Variants in CD247 observed in about 807,000 individuals in gnomAD.
The protein encoded by CD247 is T-cell surface glycoprotein CD3 zeta chain.
A neutral mutation model predicts 30.0 loss-of-function variants in CD247; 13 were observed. The observed-to-expected ratio is 0.43, with a 90% confidence interval of 0.28 to 0.69. CD247 has a LOEUF of 0.69. Ranked by LOEUF, CD247 falls within the 30% of genes least tolerant of loss-of-function variation. CD247 has a pLI of 0.16. For synonymous variants in CD247, 72 were observed against 80.0 expected, an observed-to-expected ratio of 0.90 and a Z score of 0.53; for missense variants, 193 against 212.6, an observed-to-expected ratio of 0.91 and a Z score of 0.57.
intron 1 of CD247, among the ~76,000 whole-genome samples, chr1:167,514,390 C>T (rs1180747548): frequency 1.3e-5 from 2 of 152,164 alleles, no homozygotes; most frequent in Non-Finnish European, 2.9e-5. Flanking sequence ...CCACCCGTCT[C>T]GGCCTCCCAG....
chr1:167,488,227 C>T (rs1032842239), intron 1 of CD247, among the ~76,000 whole-genome samples: 1 of 152,174 alleles, frequency 6.6e-6, no homozygotes, highest in Non-Finnish European at 1.5e-5. Flanking sequence ...ATCATACATT[C>T]TAAGAAAATT....
intron 7 of CD247, among the ~76,000 whole-genome samples, chr1:167,432,042 G>A (rs572416801): frequency 2.0e-4 from 30 of 152,300 alleles, no homozygotes; most frequent in Admixed American, 7.2e-4. Flanking sequence ...CTTGGGCCCC[G>A]CCAACTTCCT....
chr1:167,509,387 A>G (rs889511360), intron 1 of CD247, among the ~76,000 whole-genome samples: 46 of 151,742 alleles, frequency 3.0e-4, no homozygotes, highest in African/African-American at 8.5e-4. Flanking sequence ...AAAAAAAAAA[A>G]AAAGAAAAGA....
intron 1 of CD247, among the ~76,000 whole-genome samples, chr1:167,498,650 T>C (rs1654789193): frequency 2.0e-5 from 3 of 152,210 alleles, no homozygotes; most frequent in Admixed American, 6.5e-5. Flanking sequence ...GCAAGGTAGG[T>C]AATCTTCATT....
At chr1:167,445,444 A>T (rs1652034883) in intron 1 of CD247, among the ~76,000 whole-genome samples, 2 of 152,140 alleles carry the variant, frequency 1.3e-5, no homozygotes, top group African/African-American at 4.8e-5. Flanking sequence ...GCCAAAGATG[A>T]TCACAGAGTA....
intron 1 of CD247, among the ~76,000 whole-genome samples, chr1:167,464,871 C>T (rs878914569): frequency 2.6e-5 from 4 of 152,118 alleles, no homozygotes; most frequent in Admixed American, 1.3e-4. Flanking sequence ...GCCCCAAGAT[C>T]GCACTATTTA....
chr1:167,507,236 T>TA (rs1356758087), intron 1 of CD247, among the ~76,000 whole-genome samples: 1 of 151,552 alleles, frequency 6.6e-6, no homozygotes, highest in Admixed American at 6.6e-5. Context: ...TTTTTTTTTT[T>TA]AACCTTCAAA....
intron 1 of CD247, among the ~76,000 whole-genome samples, chr1:167,469,799 C>T (rs140023917): frequency 0.014 from 2,075 of 152,336 alleles, 14 homozygotes; most frequent in Middle Eastern, 0.044. Flanking sequence ...TGGATGGCAT[C>T]TCTGCCTCTC....
chr1:167,468,274 A>ATT, intron 1 of CD247, among the ~76,000 whole-genome samples: 1 of 152,196 alleles, frequency 6.6e-6, no homozygotes, highest in Non-Finnish European at 1.5e-5. Flanking sequence ...AAAGATACAC[A>ATT]AATATTGAAT....
At chr1:167,448,925 T>C (rs747923594) in intron 1 of CD247, among the ~76,000 whole-genome samples, 2 of 152,176 alleles carry the variant, frequency 1.3e-5, no homozygotes, top group African/African-American at 4.8e-5. Flanking sequence ...CTCCTCAGTG[T>C]CAGATTTCAA....
At chr1:167,468,883 A>T (rs1653382269) in intron 1 of CD247, among the ~76,000 whole-genome samples, 1 of 152,160 alleles carries the variant, frequency 6.6e-6, no homozygotes, top group African/African-American at 2.4e-5. Context: ...GGAACCAAAA[A>T]ATAAAGTGCT....
intron 1 of CD247, among the ~76,000 whole-genome samples, chr1:167,450,523 CT>C (rs1652304474): frequency 6.6e-6 from 1 of 152,024 alleles, no homozygotes; most frequent in South Asian, 2.1e-4. Flanking sequence ...AATAATAATA[CT>C]TTGAAAAATG....
chr1:167,455,972 G>C (rs2102019417), intron 1 of CD247, among the ~76,000 whole-genome samples: 1 of 151,612 alleles, frequency 6.6e-6, no homozygotes, highest in South Asian at 2.1e-4. Flanking sequence ...GGAAGCCCCG[G>C]AGAGACGCAA....
Position 167,502,143 on chromosome 1 carries a change from G to C in CD247, c.58+16265C>G, listed in dbSNP as rs79937535. ...CTTGACAGGCAACCAGGCTGGAAGA[G>C]AATGCCTCTGCAGTATGCTGGAAGT... On this transcript the variant is annotated intron_variant, in intron 1 of 7. Coordinates refer to ENST00000362089, the MANE Select transcript of CD247 (RefSeq NM_198053.3). Among the ~76,000 whole-genome samples, 490 of 152,344 alleles carry C rather than the reference G, an allele frequency of 3.2e-3. 17 individuals carry two copies. In the East Asian group the frequency reaches 0.085, roughly 26 times the overall value.
At chr1:167,502,473 C>A (rs1473506298) in intron 1 of CD247, among the ~76,000 whole-genome samples, 3 of 152,164 alleles carry the variant, frequency 2.0e-5, no homozygotes, top group Non-Finnish European at 4.4e-5. Flanking sequence ...AAAAGGGTGT[C>A]TTACATTGAG....
Position 167,518,507 on chromosome 1 carries a change from A to G in CD247, c.-42T>C. 1 of 1,575,160 alleles carries G rather than the reference A, an allele frequency of 6.3e-7. No individual in the cohort carries two copies. The highest frequency in any genetic ancestry group is 1.7e-4 in the Middle Eastern group (1 of 5,992). On this transcript the variant is annotated 5_prime_UTR_variant, in exon 1 of 8. Transcript: ENST00000362089. ...GAAAGAGGCTGGGAGGCAGAGGCTG[A>G]GGCAGCGGTGGCCGGGACGGTTAGG...
At chr1:167,511,900 C>T (rs1251959803) in intron 1 of CD247, among the ~76,000 whole-genome samples, 1 of 151,974 alleles carries the variant, frequency 6.6e-6, no homozygotes, top group Non-Finnish European at 1.5e-5. Flanking sequence ...CTGCTATTTG[C>T]CATAGGATGG....
intron 1 of CD247, among the ~76,000 whole-genome samples, chr1:167,515,116 T>C (rs1454307996): frequency 2.0e-5 from 3 of 152,212 alleles, no homozygotes; most frequent in Non-Finnish European, 4.4e-5. Flanking sequence ...ATAGCTCATT[T>C]GGATGAGCAG....
intron 1 of CD247, among the ~76,000 whole-genome samples, chr1:167,466,223 C>T (rs996956796): frequency 3.9e-5 from 6 of 152,190 alleles, no homozygotes; most frequent in Admixed American, 2.6e-4. Context: ...CTACCAATCA[C>T]AGCACTTAGA....
Sources: allele counts gnomAD v4.1 joint callset (sites outside exome capture counted in the v4.1 genomes callset), GRCh38; gene constraint gnomAD v4.1.1; transcripts MANE v1.5; gene names NCBI Gene and HGNC (gene_info 2026-07-23, HGNC 2026-07-21).